GRM5: variants seen among roughly 807,000 people sequenced by gnomAD.
The protein encoded by GRM5 is glutamate metabotropic receptor 5.
Under a neutral mutation model 83.1 loss-of-function variants are expected in GRM5, and 19 were observed. The ratio of observed to expected loss-of-function variants is 0.23; its 90% CI spans 0.16 to 0.34. The LOEUF (loss-of-function observed/expected upper bound fraction) is 0.34. Among genes scored for constraint, GRM5 ranks in the 10% least tolerant of loss-of-function variants. The probability of loss-of-function intolerance (pLI) is 1.00; values close to 1 mark genes in which losing one functional copy is unlikely to be tolerated. For synonymous variants in GRM5, 675 were observed against 633.6 expected, an observed-to-expected ratio of 1.07 and a Z score of -0.98; for missense variants, 1,160 against 1,588.3, an observed-to-expected ratio of 0.73 and a Z score of 4.58.
intron 2 of GRM5, among the ~76,000 whole-genome samples, chr11:88,912,823 T>C (rs1326369070): frequency 6.6e-6 from 1 of 152,192 alleles, no homozygotes. Flanking sequence ...TGAGTTTTAC[T>C]CTCTTAAGAC....
At chr11:88,988,393 C>A (rs985497276) in intron 2 of GRM5, among the ~76,000 whole-genome samples, 12 of 151,490 alleles carry the variant, frequency 7.9e-5, no homozygotes, top group Non-Finnish European at 1.6e-4. Flanking sequence ...ATTGGTGTAC[C>A]TGAAAGTGAC....
chr11:88,892,156 C>CTT (rs34754677), intron 2 of GRM5, among the ~76,000 whole-genome samples: 5 of 140,926 alleles, frequency 3.5e-5, no homozygotes, highest in African/African-American at 1.3e-4. Flanking sequence ...CACAAGAAGT[C>CTT]TTTTTTTTTT....
intron 3 of GRM5, among the ~76,000 whole-genome samples, chr11:88,664,831 TAATGATTTGAGCTATTATAAA>T (rs1939999520): frequency 6.6e-6 from 1 of 152,202 alleles, no homozygotes; most frequent in African/African-American, 2.4e-5. Context: ...TACTATATGA[TAATGATTTGAGCTATTATAAA>T]AGTGACTTGA....
At chr11:89,021,725 A>G (rs1463468251) in intron 2 of GRM5, among the ~76,000 whole-genome samples, 1 of 152,234 alleles carries the variant, frequency 6.6e-6, no homozygotes, top group Non-Finnish European at 1.5e-5. Context: ...TTTAAACTCT[A>G]GACTCTATAT....
At chr11:88,569,086 AT>A (rs1215778412) in intron 7 of GRM5, among the ~76,000 whole-genome samples, 14 of 152,212 alleles carry the variant, frequency 9.2e-5, no homozygotes, top group Non-Finnish European at 1.3e-4. Flanking sequence ...CCAAGACTAT[AT>A]ATATACATAT....
intron 1 of GRM5, among the ~76,000 whole-genome samples, chr11:89,050,819 C>G (rs1027537099): frequency 6.6e-6 from 1 of 152,224 alleles, no homozygotes; most frequent in East Asian, 1.9e-4. Context: ...ATGGATGGAG[C>G]TGGAGGCCAT....
At position 88,703,998 on chromosome 11, in the gene GRM5, G is replaced by A. The variant is rs540524614; in HGVS notation, c.912-50595C>T. On this transcript the variant is annotated intron_variant, in intron 3 of 9. Transcript: ENST00000305447. The stretch of plus-strand genomic sequence containing the variant: ...GGAGGCTAGGGAGTCCACAGTTAAG[G>A]CCCTAGTAGCTTCAGTGTTTGGTGA... Among the ~76,000 whole-genome samples the A allele has an allele frequency of 1.1e-3, 172 of 152,084 alleles. 1 individual carries two copies. The highest frequency in any genetic ancestry group is 1.9e-3 in the Non-Finnish European group (131 of 67,952).
intron 2 of GRM5, among the ~76,000 whole-genome samples, chr11:88,875,977 A>T (rs1944846940): frequency 6.6e-6 from 1 of 152,042 alleles, no homozygotes; most frequent in South Asian, 2.1e-4. Flanking sequence ...ATAAAAGAAC[A>T]CTGGCTTCAA....
intron 3 of GRM5, among the ~76,000 whole-genome samples, chr11:88,655,024 G>A (rs769664415): frequency 2.6e-5 from 4 of 151,960 alleles, no homozygotes; most frequent in Non-Finnish European, 4.4e-5. Flanking sequence ...AGTGGGTGGA[G>A]AGAAGGGAAA....
intron 2 of GRM5, among the ~76,000 whole-genome samples, chr11:88,902,987 A>G (rs1284482627): frequency 6.6e-6 from 1 of 151,024 alleles, no homozygotes; most frequent in African/African-American, 2.4e-5. Context: ...AAAGCAAAGA[A>G]AAGGAAAGAA....
intron 3 of GRM5, among the ~76,000 whole-genome samples, chr11:88,708,573 T>A (rs1429318384): frequency 1.3e-5 from 2 of 152,120 alleles, no homozygotes; most frequent in African/African-American, 4.8e-5. Context: ...CTCCAAACAT[T>A]GAAGACCACA....
At chr11:88,684,528 G>A (rs1940571963) in intron 3 of GRM5, among the ~76,000 whole-genome samples, 1 of 152,188 alleles carries the variant, frequency 6.6e-6, no homozygotes, top group Non-Finnish European at 1.5e-5. Context: ...AGGAGCAAAG[G>A]GTGAGCTTAA....
chr11:88,893,162 A>G (rs1021437533), intron 2 of GRM5, among the ~76,000 whole-genome samples: 2 of 151,764 alleles, frequency 1.3e-5, no homozygotes, highest in African/African-American at 4.8e-5. Context: ...AAAAGAAAAG[A>G]AAAAAGAAGT....
At chr11:88,722,625 A>ATTG (rs1021988473) in intron 3 of GRM5, among the ~76,000 whole-genome samples, 2 of 152,090 alleles carry the variant, frequency 1.3e-5, no homozygotes, top group Admixed American at 1.3e-4. Flanking sequence ...GACATATACT[A>ATTG]TTGTTTACTG....
chr11:88,946,502 T>TAGAATCAATCCAG, intron 2 of GRM5, among the ~76,000 whole-genome samples: 1 of 152,232 alleles, frequency 6.6e-6, no homozygotes, highest in Non-Finnish European at 1.5e-5. Flanking sequence ...ATTAAAATTA[T>TAGAATCAATCCAG]GTTCTTTGCA....
chr11:88,911,325 T>A (rs1945494716), intron 2 of GRM5, among the ~76,000 whole-genome samples: 1 of 152,156 alleles, frequency 6.6e-6, no homozygotes, highest in South Asian at 2.1e-4. Flanking sequence ...GTGTGGTGTC[T>A]GTATCTTTAT....
At chr11:88,549,716 C>G (rs1489131318) in intron 8 of GRM5, among the ~76,000 whole-genome samples, 2 of 151,730 alleles carry the variant, frequency 1.3e-5, no homozygotes, top group African/African-American at 4.8e-5. Context: ...GTGGCTGGAT[C>G]CAAGGTTGGG....
intron 2 of GRM5, among the ~76,000 whole-genome samples, chr11:88,931,818 T>C (rs1276741069): frequency 6.6e-6 from 1 of 152,150 alleles, no homozygotes; most frequent in East Asian, 1.9e-4. Flanking sequence ...TTTTTCATGG[T>C]TCACCTTTGA....
intron 3 of GRM5, among the ~76,000 whole-genome samples, chr11:88,771,214 G>A (rs573242241): frequency 2.3e-4 from 35 of 152,154 alleles, no homozygotes; most frequent in African/African-American, 7.5e-4. Flanking sequence ...CAGAAGGATA[G>A]AACTAATAGG....
Sources: gnomAD v4.1 joint callset for allele counts (sites outside exome capture counted in the v4.1 genomes callset) on GRCh38, gnomAD v4.1.1 for gene constraint, MANE v1.5 for transcripts, NCBI Gene and HGNC (gene_info 2026-07-23, HGNC 2026-07-21) for gene names.